Variants in ADAMTS14 observed in about 807,000 individuals in gnomAD.
The protein encoded by ADAMTS14 is ADAM metallopeptidase with thrombospondin type 1 motif 14, also known as A disintegrin and metalloproteinase with thrombospondin motifs 14.
Under a neutral mutation model 128.6 loss-of-function variants are expected in ADAMTS14, and 100 were observed. That is an observed-to-expected ratio of 0.78 (90% confidence interval 0.66 to 0.92). ADAMTS14 has a LOEUF of 0.92. ADAMTS14 is among the 40% of genes least tolerant of loss of function. The pLI is 0.00. For synonymous variants in ADAMTS14, 665 were observed against 653.8 expected (o/e 1.02, Z -0.26); for missense variants, 1,562 against 1,658.6 (o/e 0.94, Z 1.01).
At chr10:70,742,536 C>G (rs1842033574) in intron 12 of ADAMTS14, among the ~76,000 whole-genome samples, 1 of 152,248 alleles carries the variant, frequency 6.6e-6, no homozygotes. Flanking sequence ...ACCAGCTGTG[C>G]TGGAGCCCAG....
chr10:70,675,089 G>A (rs1219080916), intron 2 of ADAMTS14, 94 bp downstream of exon 2: 1 of 1,446,012 alleles, frequency 6.9e-7, no homozygotes, highest in African/African-American at 1.4e-5. Context: ...TTGCAGTCTG[G>A]GCCAAGGCAG....
rs556532772 is a variant in ADAMTS14 at position 70,724,183 on chromosome 10, T to C, written c.871-5111T>C. Reference sequence around the variant, plus strand: ...CCTTGGTCAGAGAGTGTCCTGACTTTTGCTTGTTTTTCTGGTACATACCCA... The same window carrying C: ...CCTTGGTCAGAGAGTGTCCTGACTTCTGCTTGTTTTTCTGGTACATACCCA... On this transcript the variant is annotated intron_variant, in intron 4 of 21. Transcript: ENST00000373207. 2.0e-5 allele frequency among the ~76,000 whole-genome samples: 3 copies of C among 152,272 alleles called. No individual in the cohort carries two copies. In the South Asian group the frequency reaches 6.2e-4, roughly 32 times the overall value.
chr10:70,722,540 A>G (rs976116506), intron 4 of ADAMTS14, among the ~76,000 whole-genome samples: 3 of 152,166 alleles, frequency 2.0e-5, no homozygotes, highest in Admixed American at 1.3e-4. Context: ...ATAGCATACC[A>G]TCCTCCTTGG....
At position 70,759,129 on chromosome 10, in the gene ADAMTS14, T is replaced by TTTTTTTTTTGAG. The variant is rs1485675752; in HGVS notation, c.3178+844_3178+845insTTTTTTTTTGAG. 1.8e-5 allele frequency among the ~76,000 whole-genome samples: 2 copies of TTTTTTTTTTGAG among 112,610 alleles called. 1 individual carries two copies. The highest frequency in any genetic ancestry group is 6.6e-5 in the African/African-American group (2 of 30,260). 73.9% of individuals were successfully genotyped at this position (112,610 alleles called of 152,430 possible). On this transcript the variant is annotated intron_variant, in intron 21 of 21. Transcript: ENST00000373207. ...AAAGGACCTTCTACCTCCAATCTTC[T>TTTTTTTTTTGAG]ACTTCTCTGCTCCTAGGCTGAGGTT... is the stretch of plus-strand genomic sequence containing the variant.
intron 4 of ADAMTS14, among the ~76,000 whole-genome samples, chr10:70,715,454 C>T (rs1450544852): frequency 6.6e-6 from 1 of 152,092 alleles, no homozygotes; most frequent in Non-Finnish European, 1.5e-5. Context: ...AGGCCCCTTC[C>T]AGACCCACTG....
chr10:70,729,202 A>G, intron 4 of ADAMTS14, 92 bp from the exon 5 acceptor site: 2 of 1,065,316 alleles, frequency 1.9e-6, no homozygotes, highest in Admixed American at 1.7e-5. Context: ...CACGGTGGGG[A>G]TACCATATGT....
intron 19 of ADAMTS14, among the ~76,000 whole-genome samples, chr10:70,755,504 T>C (rs953260278): frequency 5.3e-5 from 8 of 152,082 alleles, no homozygotes; most frequent in Non-Finnish European, 8.8e-5. Context: ...GTAATGATTG[T>C]ACAACAATGG....
At chr10:70,697,733 C>A (rs1840372340) in intron 2 of ADAMTS14, among the ~76,000 whole-genome samples, 1 of 151,876 alleles carries the variant, frequency 6.6e-6, no homozygotes, top group Admixed American at 6.6e-5. Flanking sequence ...TCCCTAGTTG[C>A]CACGTGACCA....
chr10:70,752,212 C>T lies in ADAMTS14; in HGVS notation c.2714C>T (p.Pro905Leu), dbSNP rs201161628. Residue 905 changes from proline (P) to leucine (L), a missense_variant, in exon 18 of 22, where the codon CCG (proline) becomes CTG (leucine). Physicochemically the swap from Pro to Leu is moderately conservative, Grantham distance 98 (BLOSUM62 -3). Transcript: ENST00000373207. Reference sequence around the variant, plus strand: ...ATCCGCCGGCGCTGCAACCAGCACCCGTGCTCTCAGCCTGTGTGAGTGCTC... The same window carrying T: ...ATCCGCCGGCGCTGCAACCAGCACCTGTGCTCTCAGCCTGTGTGAGTGCTC... ...KPIRRRCNQH[P>L]CSQPVWVTEE... 116 of 1,613,578 alleles carry T rather than the reference C, an allele frequency of 7.2e-5. No homozygotes were observed. Among genetic ancestry groups the T allele is most frequent in the Admixed American group, 1.3e-4 (8 of 60,000 alleles).
At chr10:70,675,091 C>G (rs1839604987) in intron 2 of ADAMTS14, 96 bp downstream of exon 2, 1 of 1,440,236 alleles carries the variant, frequency 6.9e-7, no homozygotes, top group Non-Finnish European at 9.4e-7. Flanking sequence ...GCAGTCTGGG[C>G]CAAGGCAGGG....
intron 2 of ADAMTS14, among the ~76,000 whole-genome samples, chr10:70,685,838 G>A (rs1249366574): frequency 6.6e-6 from 1 of 152,154 alleles, no homozygotes; most frequent in African/African-American, 2.4e-5. Context: ...AAGGGGCCTG[G>A]GGGTACTGAG....
chr10:70,752,507 C>A (rs1842379531), intron 18 of ADAMTS14, among the ~76,000 whole-genome samples: 1 of 152,194 alleles, frequency 6.6e-6, no homozygotes, highest in Non-Finnish European at 1.5e-5. Flanking sequence ...CGGCTACATG[C>A]TCTTCTGAGC....
In ADAMTS14 at chr10:70,736,725, G is replaced by A. The variant is rs745463398; in HGVS notation, c.1531G>A (p.Asp511Asn). 1.9e-6 allele frequency: 3 copies of A among 1,613,782 alleles called. No individual in the cohort carries two copies. The African/African-American group carries it at 4.0e-5, about 22-fold the overall frequency. ...PCKQLWCSHPDNPYFCKTKKG... is the reference protein window; with the variant it reads ...PCKQLWCSHPNNPYFCKTKKG... ...CAAGCAGCTGTGGTGCAGCCATCCTGACAACCCGTACTTCTGCAAGACCAA... is the reference window on the plus strand; with the variant it reads ...CAAGCAGCTGTGGTGCAGCCATCCTAACAACCCGTACTTCTGCAAGACCAA... Residue 511 changes from aspartate (D) to asparagine (N), a missense_variant, in exon 10 of 22, where the codon GAC (aspartate) becomes AAC (asparagine). Asp to Asn is a conservative substitution (Grantham distance 23, BLOSUM62 1). Coordinates refer to ENST00000373207, the MANE Select transcript of ADAMTS14 (RefSeq NM_080722.4).
chr10:70,717,231 G>A (rs1198347338), intron 4 of ADAMTS14, among the ~76,000 whole-genome samples: 1 of 152,218 alleles, frequency 6.6e-6, no homozygotes, highest in African/African-American at 2.4e-5. Context: ...GAACCACTGA[G>A]AATGGTACCA....
At position 70,741,158 on chromosome 10, in the gene ADAMTS14, C is replaced by T. The variant is rs550683309; in HGVS notation, c.1920C>T (p.Asp640=). 85 of 1,612,286 alleles carry T rather than the reference C, an allele frequency of 5.3e-5. 1 individual carries two copies. The highest frequency in any genetic ancestry group is 1.9e-4 in the South Asian group (17 of 91,068). Residue 640 remains aspartate, a synonymous_variant, in exon 12 of 22, where the codon GAC becomes GAT. Transcript: ENST00000373207. ...ACAGCTGGGTGCCCTACGAGCCTGACGATGGTGAGTGGGCCCCACCCCCCT... is the reference window on the plus strand; with the variant it reads ...ACAGCTGGGTGCCCTACGAGCCTGATGATGGTGAGTGGGCCCCACCCCCCT... ...AKHSWVPYEP[D]DDAQKCELIC...
chr10:70,730,203 C>A lies in ADAMTS14; in HGVS notation c.1056C>A (p.His352Gln). 6.2e-7 allele frequency: 1 copy of A among 1,614,098 alleles called. No homozygotes were observed. The highest frequency in any genetic ancestry group is 8.5e-7 in the Non-Finnish European group (1 of 1,180,004). ...QQRQDPSHAE[H>Q]HDHVVFLTRQ... ...GCCAGGACCCCAGCCACGCTGAGCA[C>A]CATGACCACGTTGTGTTCCTCACCC... is the stretch of plus-strand genomic sequence containing the variant. Residue 352 changes from histidine (H) to glutamine (Q), a missense_variant, in exon 6 of 22, where the codon CAC becomes CAA. Physicochemically the swap from His to Gln is conservative, Grantham distance 24. Transcript: ENST00000373207.
intron 8 of ADAMTS14, 144 bp from the exon 9 acceptor site, chr10:70,735,025 C>A: frequency 9.4e-7 from 1 of 1,064,154 alleles, no homozygotes; most frequent in Non-Finnish European, 1.3e-6. Flanking sequence ...GCAGCCCGTC[C>A]TCCCTGGAAG....
chr10:70,735,960 T>C (rs531462419), intron 9 of ADAMTS14, among the ~76,000 whole-genome samples: 3 of 152,242 alleles, frequency 2.0e-5, no homozygotes, highest in African/African-American at 7.2e-5. Flanking sequence ...ATACTACCCA[T>C]CAGGGAATGC....
At chr10:70,679,259 C>T (rs980048931) in intron 2 of ADAMTS14, among the ~76,000 whole-genome samples, 3 of 152,174 alleles carry the variant, frequency 2.0e-5, no homozygotes, top group African/African-American at 4.8e-5. Flanking sequence ...CCCAGCCAGT[C>T]TTGAGGATGT....
Sources: gnomAD v4.1 joint callset for allele counts (sites outside exome capture counted in the v4.1 genomes callset) on GRCh38, gnomAD v4.1.1 for gene constraint, MANE v1.5 for transcripts, NCBI Gene and HGNC (gene_info 2026-07-23, HGNC 2026-07-21) for gene names.